The following GRTP1 variants were observed in gnomAD, a reference collection of about 807,000 sequenced individuals.
GRTP1 encodes growth hormone regulated TBC protein 1, also known as growth hormone-regulated TBC protein 1.
Under a neutral mutation model 38.1 loss-of-function variants are expected in GRTP1, and 56 were observed. The observed-to-expected ratio is 1.47, with a 90% CI of 1.19 to 1.84. The LOEUF (loss-of-function observed/expected upper bound fraction) is 1.84. GRTP1 is among the 40% of genes most tolerant of loss of function. The probability of loss-of-function intolerance (pLI) is 0.00; values close to 1 mark genes in which losing one functional copy is unlikely to be tolerated. For synonymous variants in GRTP1, 217 were observed against 189.5 expected (o/e 1.14, Z -1.19); for missense variants, 506 against 453.9 (o/e 1.11, Z -1.04).
chr13:113,357,099 C>A (rs2043404670), intron 2 of GRTP1, among the ~76,000 whole-genome samples: 2 of 151,480 alleles, frequency 1.3e-5, no homozygotes, highest in South Asian at 2.1e-4. Flanking sequence ...ATCACGAGGT[C>A]AAGAGATCGA....
chr13:113,354,270 G>A (rs1280496235), intron 3 of GRTP1, among the ~76,000 whole-genome samples: 1 of 152,058 alleles, frequency 6.6e-6, no homozygotes, highest in Non-Finnish European at 1.5e-5. Context: ...TCAGGATGCA[G>A]CCTCTCCCCT....
intron 5 of GRTP1, among the ~76,000 whole-genome samples, chr13:113,330,041 CTGCATGGAAACCCGGGTGCG>C (rs2042835280): frequency 7.3e-4 from 83 of 113,210 alleles, no homozygotes; most frequent in Middle Eastern, 0.016. Flanking sequence ...ACCCAGGTGC[CTGCATGGAAACCCGGGTGCG>C]TGCATGGAAA....
chr13:113,329,727 G>C (rs1027500375), intron 5 of GRTP1, among the ~76,000 whole-genome samples: 2 of 152,250 alleles, frequency 1.3e-5, no homozygotes, highest in African/African-American at 4.8e-5. Context: ...CATGTGCATA[G>C]AAAAGACGAC....
chr13:113,355,447 C>A lies in GRTP1; in HGVS notation c.216G>T (p.Glu72Asp), dbSNP rs2043367912. The A allele has an allele frequency of 1.2e-6, 2 of 1,613,628 alleles. No individual in the cohort carries two copies. Among genetic ancestry groups the A allele is most frequent in the Admixed American group, 1.7e-5 (1 of 59,978 alleles). Reference sequence around the variant, plus strand: ...GCACCATCCAGACGCGGGCACGGTGCTCCAGCGGGACCCCTTTCCGGACAT... The same window carrying A: ...GCACCATCCAGACGCGGGCACGGTGATCCAGCGGGACCCCTTTCCGGACAT... ...KRYVRKGVPL[E>D]HRARVWMVLS... The change falls in exon 3 of 8, where the codon GAG becomes GAT. Residue 72 changes from glutamate (E) to aspartate (D), a missense_variant. By Grantham distance (45) the Glu-to-Asp change is conservative (BLOSUM62 2). Transcript: ENST00000375431.
At chr13:113,355,548 C>A (rs916071714) in intron 2 of GRTP1, 67 bp from the exon 3 acceptor site, 1 of 1,465,296 alleles carries the variant, frequency 6.8e-7, no homozygotes, top group Non-Finnish European at 9.1e-7. Context: ...CGCGTTCCTG[C>A]CACACTTTCC....
intron 4 of GRTP1, among the ~76,000 whole-genome samples, chr13:113,347,618 CTGAGAG>C (rs1566432667): frequency 1.4e-5 from 1 of 69,614 alleles, no homozygotes; most frequent in African/African-American, 5.9e-5. Context: ...ACCTCTGTGG[CTGAGAG>C]CGGACCTGGG....
chr13:113,327,360 A>C (rs2042789866), intron 5 of GRTP1, among the ~76,000 whole-genome samples: 1 of 152,166 alleles, frequency 6.6e-6, no homozygotes, highest in Non-Finnish European at 1.5e-5. Context: ...TTGTATTTTC[A>C]GTAGAGACAA....
chr13:113,364,015 C>T lies in GRTP1; in HGVS notation c.32+5G>A. The T allele has an allele frequency of 2.1e-6, 3 of 1,441,914 alleles. No individual in the cohort carries two copies. In the South Asian group the frequency reaches 4.5e-5, roughly 21 times the overall value. 89.3% of individuals were successfully genotyped at this position (1,441,914 alleles called of 1,614,324 possible). A position where few individuals can be genotyped will look rare whatever the true frequency, so the allele number is the denominator to read the frequency against. ...CCGGGGACGCCCGCACCCCGCGCCACACACCTGGGGACCCGCGAGCGCTCG... is the reference window on the plus strand; with the variant it reads ...CCGGGGACGCCCGCACCCCGCGCCATACACCTGGGGACCCGCGAGCGCTCG... On this transcript the variant is annotated splice_donor_5th_base_variant and intron_variant, in intron 1 of 7. Transcript: ENST00000375431.
At chr13:113,334,280 A>ACTGCCCCCCCCCCCCCCCCGCC (rs1202504022) in intron 5 of GRTP1, among the ~76,000 whole-genome samples, 4 of 142,478 alleles carry the variant, frequency 2.8e-5, no homozygotes, top group African/African-American at 2.5e-5. Flanking sequence ...CACTGCCACG[A>ACTGCCCCCCCCCCCCCCCCGCC]CAGCCTCCCG....
chr13:113,327,871 G>A (rs1417444357), intron 5 of GRTP1, among the ~76,000 whole-genome samples: 1 of 152,220 alleles, frequency 6.6e-6, no homozygotes, highest in African/African-American at 2.4e-5. Flanking sequence ...CAGGGGGTCT[G>A]CAGAGACACA....
Position 113,350,869 on chromosome 13 carries a change from G to A in GRTP1, c.445C>T (p.Gln149Ter). 6.3e-7 allele frequency: 1 copy of A among 1,582,970 alleles called. No homozygotes were observed. Among genetic ancestry groups the A allele is most frequent in the Non-Finnish European group, 8.6e-7 (1 of 1,157,136 alleles). ...NVLLAYGHHNQGVGYCQGMNF... is the reference protein window; with the variant it reads ...NVLLAYGHHN Reference sequence around the variant, plus strand: ...CTCACCTGGCAGTAGCCCACTCCCTGGTTATGGTGCCCATATGCCAGCAGC... The same window carrying A: ...CTCACCTGGCAGTAGCCCACTCCCTAGTTATGGTGCCCATATGCCAGCAGC... The change falls in exon 4 of 8, where the codon CAG (glutamine) becomes TAG (stop). Residue 149 changes from glutamine to a stop codon, truncating the protein, a stop_gained. Transcript: ENST00000375431. LOFTEE classifies it high-confidence loss of function.
chr13:113,346,283 TGAGCGGATCTGGGAGGACCTCTGTGGCA>T (rs1566429819), intron 4 of GRTP1, among the ~76,000 whole-genome samples: 12 of 14,030 alleles, frequency 8.6e-4, no homozygotes, highest in Non-Finnish European at 1.2e-3. Context: ...CCTCTGTGGC[TGAGCGGATCTGGGAGGACCTCTGTGGCA>T]GAGAGCAGAC....
chr13:113,344,828 A>G, intron 5 of GRTP1, 35 bp downstream of exon 5: 1 of 1,572,224 alleles, frequency 6.4e-7, no homozygotes, highest in Non-Finnish European at 8.6e-7. Context: ...CAGAAACAGG[A>G]CAGTTCGGGC....
chr13:113,332,558 G>A (rs1393164186), intron 5 of GRTP1, among the ~76,000 whole-genome samples: 1 of 152,188 alleles, frequency 6.6e-6, no homozygotes, highest in African/African-American at 2.4e-5. Flanking sequence ...TGGCCACCTC[G>A]ACACTAGTCA....
At chr13:113,338,160 C>T (rs886760452) in intron 5 of GRTP1, among the ~76,000 whole-genome samples, 9 of 152,174 alleles carry the variant, frequency 5.9e-5, no homozygotes, top group African/African-American at 2.2e-4. Flanking sequence ...GGCCCGGGAC[C>T]CATCGCCCGC....
chr13:113,334,283 G>C (rs2042924853), intron 5 of GRTP1, among the ~76,000 whole-genome samples: 1 of 151,576 alleles, frequency 6.6e-6, no homozygotes, highest in African/African-American at 2.4e-5. Flanking sequence ...TGCCACGACA[G>C]CCTCCCGCCC....
intron 3 of GRTP1, among the ~76,000 whole-genome samples, chr13:113,352,311 A>ATTTTATATATAT (rs1410150304): frequency 1.6e-3 from 50 of 32,216 alleles, no homozygotes; most frequent in African/African-American, 4.5e-3. Context: ...TTTTATATAT[A>ATTTTATATATAT]TTTTATATAT....
intron 7 of GRTP1, 140 bp downstream of exon 7, chr13:113,325,521 A>C: frequency 6.5e-7 from 1 of 1,527,802 alleles, no homozygotes. Context: ...CAGATGCAGG[A>C]CAGAGCTGGA....
At chr13:113,363,500 C>T (rs2043538125) in intron 2 of GRTP1, among the ~76,000 whole-genome samples, 2 of 152,192 alleles carry the variant, frequency 1.3e-5, no homozygotes, top group South Asian at 4.1e-4. Context: ...CCACCGCGCC[C>T]GGCATGGATC....
Sources: allele counts gnomAD v4.1 joint callset (sites outside exome capture counted in the v4.1 genomes callset), GRCh38; gene constraint gnomAD v4.1.1; transcripts MANE v1.5; gene names NCBI Gene and HGNC (gene_info 2026-07-23, HGNC 2026-07-21).